The following FILIP1L variants were observed in gnomAD, a reference collection of about 807,000 sequenced individuals.
FILIP1L encodes the protein filamin A interacting protein 1 like.
FILIP1L carries 55 observed loss-of-function variants against 96.6 expected under a neutral mutation model. That is an observed-to-expected ratio of 0.57 (90% confidence interval 0.46 to 0.71). FILIP1L has a LOEUF of 0.71. Ranked by LOEUF, FILIP1L falls within the 30% of genes least tolerant of loss-of-function variation. FILIP1L has a pLI of 0.00. For missense variants in FILIP1L, 1,304 were observed against 1,321.2 expected (o/e 0.99, Z 0.20); for synonymous variants, 467 against 473.9 (o/e 0.99, Z 0.19).
Position 99,867,157 on chromosome 3 carries a change from A to G in FILIP1L, c.606-16087T>C, listed in dbSNP as rs780224718. On this transcript the variant is annotated intron_variant, in intron 4 of 5. Transcript: ENST00000477258. ...TCAAAATATGACAGTGGTCAACAGC[A>G]TATCTGCTAGAGGTGAGAGCAATGA... 7.9e-5 allele frequency among the ~76,000 whole-genome samples: 12 copies of G among 152,330 alleles called. No individual in the cohort carries two copies. The South Asian group carries it at 8.3e-4, about 11-fold the overall frequency.
chr3:99,967,613 G>A (rs1400946776), intron 1 of FILIP1L, among the ~76,000 whole-genome samples: 1 of 152,132 alleles, frequency 6.6e-6, no homozygotes. Context: ...GGTCTCTCAC[G>A]ACACATGCAG....
intron 1 of FILIP1L, among the ~76,000 whole-genome samples, chr3:100,037,451 G>C (rs1559734957): frequency 2.0e-5 from 3 of 151,308 alleles, no homozygotes; most frequent in East Asian, 1.9e-4. Context: ...AAAGCAAACA[G>C]ACACACACAC....
At position 99,848,821 on chromosome 3, in the gene FILIP1L, GC is replaced by G. The variant is rs1341359780; in HGVS notation, c.2854del (p.Ala952ProfsTer3). On this transcript the variant is annotated frameshift_variant, in exon 5 of 6. Coordinates refer to ENST00000477258, the MANE Select transcript of FILIP1L (RefSeq NM_001387850.1). LOFTEE classifies it high-confidence loss of function. ...TTTGGACTTTACTGGTGTTATGGAG[GC>G]GTTTTGGAGGATGGTTATCCTTTGC... is the stretch of plus-strand genomic sequence containing the variant. ...PKQRITILQN[A>X]SITPVKSKTS... 1 of 1,614,082 alleles carries G rather than the reference GC, an allele frequency of 6.2e-7. No individual in the cohort carries two copies. Among genetic ancestry groups the G allele is most frequent in the East Asian group, 2.2e-5 (1 of 44,882 alleles).
intron 1 of FILIP1L, among the ~76,000 whole-genome samples, chr3:99,935,435 C>T (rs79161590): frequency 0.012 from 1,767 of 152,234 alleles, 19 homozygotes; most frequent in African/African-American, 0.026. Flanking sequence ...AACCCTAGAA[C>T]GATAACCTTC....
In FILIP1L at chr3:99,924,449, A is replaced by G. The variant is rs569258278; in HGVS notation, c.427-41T>C. On this transcript the variant is annotated intron_variant, in intron 3 of 5. Coordinates refer to ENST00000477258, the MANE Select transcript of FILIP1L (RefSeq NM_001387850.1). ...TTTATAGCCTGTTACCAAATTGTTT[A>G]TATACTGTTGTCTTTCACTCTTTTA... 8 of 1,562,760 alleles carry G rather than the reference A, an allele frequency of 5.1e-6. No homozygotes were observed. In the African/African-American group the frequency reaches 5.4e-5, roughly 11 times the overall value.
At chr3:99,922,191 A>G (rs1410801285) in intron 4 of FILIP1L, among the ~76,000 whole-genome samples, 2 of 152,240 alleles carry the variant, frequency 1.3e-5, no homozygotes, top group Non-Finnish European at 2.9e-5. Flanking sequence ...TGAAAGATGA[A>G]AGAAAGTGTC....
intron 1 of FILIP1L, among the ~76,000 whole-genome samples, chr3:99,962,253 A>T (rs76150668): frequency 0.023 from 3,491 of 152,192 alleles, 55 homozygotes; most frequent in Non-Finnish European, 0.038. Flanking sequence ...ACAGATGCAG[A>T]AATGCTAGGG....
chr3:99,977,845 A>AAT (rs1709015550), intron 1 of FILIP1L, among the ~76,000 whole-genome samples: 1 of 152,200 alleles, frequency 6.6e-6, no homozygotes, highest in Non-Finnish European at 1.5e-5. Flanking sequence ...GGATCCAATA[A>AAT]GAGAAATCTG....
intron 4 of FILIP1L, 61 bp from the exon 5 acceptor site, chr3:99,851,131 C>A (rs1943676499): frequency 1.6e-6 from 2 of 1,288,072 alleles, no homozygotes; most frequent in Admixed American, 2.4e-5. Context: ...ATCGAATGTA[C>A]TTAAATATAT....
At chr3:100,090,581 T>A (rs1300046621) in intron 1 of FILIP1L, among the ~76,000 whole-genome samples, 1 of 152,194 alleles carries the variant, frequency 6.6e-6, no homozygotes, top group Non-Finnish European at 1.5e-5. Context: ...CTGGGCTCTT[T>A]CTCTGCAACA....
intron 1 of FILIP1L, among the ~76,000 whole-genome samples, chr3:100,057,021 G>A (rs941657283): frequency 6.6e-6 from 1 of 151,988 alleles, no homozygotes; most frequent in South Asian, 2.1e-4. Context: ...AAAGAATTGG[G>A]CAAGTGATTT....
At chr3:100,044,767 GA>G (rs909701688) in intron 1 of FILIP1L, among the ~76,000 whole-genome samples, 1 of 152,118 alleles carries the variant, frequency 6.6e-6, no homozygotes, top group African/African-American at 2.4e-5. Flanking sequence ...ATGAGAGAAG[GA>G]AACCAATGTG....
chr3:99,927,362 TTTTC>T (rs1007160809), intron 3 of FILIP1L, among the ~76,000 whole-genome samples: 5 of 151,910 alleles, frequency 3.3e-5, no homozygotes, highest in Middle Eastern at 3.2e-3. Context: ...TGTTGTTATA[TTTTC>T]TTTCTGTTTT....
chr3:100,100,807 G>T (rs755828970), intron 1 of FILIP1L, among the ~76,000 whole-genome samples: 2 of 152,174 alleles, frequency 1.3e-5, no homozygotes, highest in Non-Finnish European at 2.9e-5. Flanking sequence ...GCATATTCTG[G>T]TGAAGTGCTG....
intron 4 of FILIP1L, among the ~76,000 whole-genome samples, chr3:99,921,639 C>T (rs530541160): frequency 2.6e-5 from 4 of 152,150 alleles, no homozygotes; most frequent in Non-Finnish European, 5.9e-5. Flanking sequence ...GAGTGATAGA[C>T]ACTTTTTCCT....
chr3:99,833,521 G>A (rs1942773769), intron 5 of FILIP1L, among the ~76,000 whole-genome samples: 1 of 152,214 alleles, frequency 6.6e-6, no homozygotes, highest in African/African-American at 2.4e-5. Flanking sequence ...TTATCATGGA[G>A]CACAAATATA....
At chr3:100,057,649 A>T (rs2065488052) in intron 1 of FILIP1L, among the ~76,000 whole-genome samples, 1 of 152,134 alleles carries the variant, frequency 6.6e-6, no homozygotes, top group Non-Finnish European at 1.5e-5. Flanking sequence ...ATGCTTTGGG[A>T]TCAGGCCCCA....
intron 5 of FILIP1L, chr3:99,848,004 G>T (rs1576507295): frequency 1.8e-6 from 2 of 1,103,516 alleles, no homozygotes; most frequent in East Asian, 1.0e-4. Flanking sequence ...ATTAAAGTGA[G>T]TTATGGAAAA....
At chr3:99,938,737 T>G (rs1707768314) in intron 1 of FILIP1L, among the ~76,000 whole-genome samples, 1 of 152,146 alleles carries the variant, frequency 6.6e-6, no homozygotes, top group Non-Finnish European at 1.5e-5. Context: ...TGGCTATAAA[T>G]AGATGTTAAT....
Sources: gnomAD v4.1 joint callset for allele counts (sites outside exome capture counted in the v4.1 genomes callset) on GRCh38, gnomAD v4.1.1 for gene constraint, MANE v1.5 for transcripts, NCBI Gene and HGNC (gene_info 2026-07-23, HGNC 2026-07-21) for gene names.